The following THEMIS variants were observed in gnomAD, a reference collection of about 807,000 sequenced individuals.
THEMIS encodes thymocyte selection associated.
A neutral mutation model predicts 52.6 loss-of-function variants in THEMIS; 37 were observed. That is an observed-to-expected ratio of 0.70 (90% confidence interval 0.54 to 0.93). The LOEUF (loss-of-function observed/expected upper bound fraction) is 0.93, where lower values mean the gene tolerates loss of function less well. THEMIS is among the 40% of genes least tolerant of loss of function. THEMIS has a pLI of 0.00. For missense variants in THEMIS, 808 were observed against 763.1 expected, an observed-to-expected ratio of 1.06 and a Z score of -0.69; for synonymous variants, 292 against 272.7, an observed-to-expected ratio of 1.07 and a Z score of -0.70.
chr6:127,727,400 T>C (rs1224481637), intron 4 of THEMIS, among the ~76,000 whole-genome samples: 1 of 152,160 alleles, frequency 6.6e-6, no homozygotes, highest in East Asian at 1.9e-4. Context: ...GAAATTAGTT[T>C]TGAATTAGTG....
chr6:127,710,261 A>G (rs900518797), intron 5 of THEMIS, among the ~76,000 whole-genome samples: 1 of 151,968 alleles, frequency 6.6e-6, no homozygotes, highest in Non-Finnish European at 1.5e-5. Flanking sequence ...TTACATGTAT[A>G]AAGTGTTTTT....
In THEMIS at chr6:127,813,333, C is replaced by G; in HGVS notation, c.1308G>C (p.Glu436Asp). The G allele has an allele frequency of 6.2e-7, 1 of 1,614,128 alleles. No homozygotes were observed. The highest frequency in any genetic ancestry group is 8.5e-7 in the Non-Finnish European group (1 of 1,180,022). The change falls in exon 4 of 6, where the codon GAG (glutamate) becomes GAC (aspartate). Residue 436 changes from glutamate to aspartate, a missense_variant. Coordinates refer to ENST00000368248, the MANE Select transcript of THEMIS (RefSeq NM_001010923.3). ...GGTACTGTTTCTTATCATGAATCAC[C>G]TCTACAAAACCTCCTTCCATGTACA... ...LPLYMEGGFV[E>D]VIHDKKQYPI...
At chr6:127,855,478 C>T (rs1433621884) in intron 1 of THEMIS, among the ~76,000 whole-genome samples, 1 of 152,032 alleles carries the variant, frequency 6.6e-6, no homozygotes, top group East Asian at 1.9e-4. Flanking sequence ...AAACTACAAA[C>T]GTATCTTCCA....
At position 127,829,823 on chromosome 6, in the gene THEMIS, T is replaced by G. The variant is rs1186629275; in HGVS notation, c.362A>C (p.Lys121Thr). The G allele has an allele frequency of 1.9e-6, 3 of 1,614,150 alleles. No homozygotes were observed. The highest frequency in any genetic ancestry group is 2.5e-6 in the Non-Finnish European group (3 of 1,180,012). ...RLGHPCFYHQ[K>T]DIKLENLIIK... ...GATGAGGTTCTCTAGTTTTATATCC[T>G]TCTGATGATAGAAGCAAGGATGCCC... Residue 121 changes from lysine to threonine, a missense_variant, in exon 3 of 6, where the codon AAG (lysine) becomes ACG (threonine). Coordinates refer to ENST00000368248, the MANE Select transcript of THEMIS (RefSeq NM_001010923.3).
At chr6:127,793,694 C>T (rs571967866) in intron 4 of THEMIS, among the ~76,000 whole-genome samples, 5 of 152,266 alleles carry the variant, frequency 3.3e-5, no homozygotes, top group South Asian at 2.1e-4. Context: ...TTTCAAGGAA[C>T]TCAACTGAAT....
chr6:127,723,571 G>A (rs1166219208), intron 4 of THEMIS, among the ~76,000 whole-genome samples: 1 of 152,004 alleles, frequency 6.6e-6, no homozygotes, highest in Admixed American at 6.6e-5. Flanking sequence ...ATGAGATGAG[G>A]TGTAGAGAGG....
chr6:127,882,313 A>C (rs1228897382), intron 1 of THEMIS, among the ~76,000 whole-genome samples: 1 of 151,870 alleles, frequency 6.6e-6, no homozygotes, highest in Non-Finnish European at 1.5e-5. Context: ...GCTAATGTGA[A>C]ATTGAACATT....
chr6:127,757,411 T>G (rs543718593), intron 4 of THEMIS, among the ~76,000 whole-genome samples: 8 of 152,274 alleles, frequency 5.3e-5, no homozygotes, highest in African/African-American at 1.9e-4. Context: ...AAATGGCAGA[T>G]AGCTATAGAC....
At chr6:127,865,278 T>G (rs1215182927) in intron 1 of THEMIS, among the ~76,000 whole-genome samples, 2 of 151,890 alleles carry the variant, frequency 1.3e-5, no homozygotes, top group Non-Finnish European at 2.9e-5. Context: ...GATGTTAGAG[T>G]GGCCAAAGGT....
At chr6:127,846,720 T>C (rs1041699907) in intron 2 of THEMIS, among the ~76,000 whole-genome samples, 1 of 151,702 alleles carries the variant, frequency 6.6e-6, no homozygotes, top group Non-Finnish European at 1.5e-5. Context: ...CCAAGAAGAA[T>C]TACAACCAAT....
chr6:127,914,385 A>C (rs1045656548), intron 1 of THEMIS, among the ~76,000 whole-genome samples: 3 of 152,172 alleles, frequency 2.0e-5, no homozygotes, highest in Non-Finnish European at 2.9e-5. Context: ...TTCATTATGA[A>C]ACATAGTCAT....
At chr6:127,731,662 T>G (rs1486171376) in intron 4 of THEMIS, among the ~76,000 whole-genome samples, 1 of 150,322 alleles carries the variant, frequency 6.7e-6, no homozygotes, top group African/African-American at 2.4e-5. Context: ...ACCATTGTAC[T>G]TCCATAATAG....
intron 4 of THEMIS, among the ~76,000 whole-genome samples, chr6:127,784,707 T>C (rs548169098): frequency 2.1e-4 from 32 of 152,272 alleles, no homozygotes; most frequent in African/African-American, 7.7e-4. Context: ...GAACTGTGAA[T>C]GTACTACCCA....
At position 127,841,152 on chromosome 6, in the gene THEMIS, C is replaced by G. The variant is rs148405949; in HGVS notation, c.251-11218G>C. Among the ~76,000 whole-genome samples, 23 of 152,120 alleles carry G rather than the reference C, an allele frequency of 1.5e-4. 1 individual carries two copies. In the East Asian group the frequency reaches 3.9e-3, roughly 26 times the overall value. ...TTCACTACTTGCAACAAATGTACCA[C>G]TCTAGTGTTGTACATTGATGGTGGG... On this transcript the variant is annotated intron_variant, in intron 2 of 5. Transcript: ENST00000368248.
At chr6:127,911,154 A>G (rs1466437870) in intron 1 of THEMIS, among the ~76,000 whole-genome samples, 1 of 151,260 alleles carries the variant, frequency 6.6e-6, no homozygotes. Flanking sequence ...ACTTTATCTG[A>G]CTAAGGTAGT....
intron 3 of THEMIS, among the ~76,000 whole-genome samples, chr6:127,819,594 T>C (rs1286502120): frequency 6.6e-6 from 1 of 152,192 alleles, no homozygotes; most frequent in African/African-American, 2.4e-5. Context: ...AGTGGACTTT[T>C]CTTTGGAAAC....
chr6:127,739,180 CAT>C (rs906380099), intron 4 of THEMIS, among the ~76,000 whole-genome samples: 7 of 152,114 alleles, frequency 4.6e-5, no homozygotes, highest in African/African-American at 1.4e-4. Context: ...TCCTTAATCA[CAT>C]GTTTTGCCAT....
chr6:127,778,320 G>C (rs270011), intron 4 of THEMIS, among the ~76,000 whole-genome samples: 43,687 of 151,992 alleles, frequency 0.29, 7,337 homozygotes, highest in Non-Finnish European at 0.39. Context: ...AAATGAGCTA[G>C]TTTTCCTCCT....
intron 1 of THEMIS, among the ~76,000 whole-genome samples, chr6:127,913,151 GC>G (rs1370740372): frequency 1.3e-5 from 2 of 152,132 alleles, no homozygotes; most frequent in Non-Finnish European, 2.9e-5. Flanking sequence ...GACATGAAAT[GC>G]CTGGACATAG....
Sources: gnomAD v4.1 joint callset for allele counts (sites outside exome capture counted in the v4.1 genomes callset) on GRCh38, gnomAD v4.1.1 for gene constraint, MANE v1.5 for transcripts, NCBI Gene and HGNC (gene_info 2026-07-23, HGNC 2026-07-21) for gene names.